Variants in TRDN observed in about 807,000 individuals in gnomAD.
TRDN encodes triadin.
A neutral mutation model predicts 149.7 loss-of-function variants in TRDN; 161 were observed. That is an observed-to-expected ratio of 1.08 (90% confidence interval 0.95 to 1.23). The LOEUF is 1.23. Among genes scored for constraint, TRDN ranks in the 50% most tolerant of loss-of-function variants. The probability of loss-of-function intolerance (pLI) is 0.00; values close to 1 mark genes in which losing one functional copy is unlikely to be tolerated. For synonymous variants in TRDN, 294 were observed against 250.5 expected (o/e 1.17, Z -1.64); for missense variants, 896 against 823.5 (o/e 1.09, Z -1.08).
At chr6:123,311,208 C>A (rs1037959392) in intron 24 of TRDN, among the ~76,000 whole-genome samples, 3 of 151,798 alleles carry the variant, frequency 2.0e-5, no homozygotes, top group Non-Finnish European at 4.4e-5. Context: ...TGGCAGCAGA[C>A]AAGAGGGAGC....
At chr6:123,302,325 T>C (rs2114672777) in intron 24 of TRDN, among the ~76,000 whole-genome samples, 1 of 152,250 alleles carries the variant, frequency 6.6e-6, no homozygotes, top group African/African-American at 2.4e-5. Context: ...CAGTTTACCC[T>C]TGATATACAT....
Position 123,245,646 on chromosome 6 carries a change from A to T in TRDN, c.1975+6766T>A, listed in dbSNP as rs570194864. On this transcript the variant is annotated intron_variant, in intron 38 of 40. Transcript: ENST00000334268. ...AGACACCCACACAATAATAGTGGGA[A>T]ACTTTAACATCCCACTTTCAATACT... is the stretch of plus-strand genomic sequence containing the variant. Among the ~76,000 whole-genome samples, 4 of 152,212 alleles carry T rather than the reference A, an allele frequency of 2.6e-5. No individual in the cohort carries two copies. In the East Asian group the frequency reaches 7.8e-4, roughly 30 times the overall value.
chr6:123,222,720 C>G (rs753940474), intron 39 of TRDN, among the ~76,000 whole-genome samples: 1 of 150,536 alleles, frequency 6.6e-6, no homozygotes, highest in Non-Finnish European at 1.5e-5. Flanking sequence ...AGAGAAAATA[C>G]TTTTTTTTTA....
chr6:123,575,138 C>T (rs1265362352), intron 1 of TRDN, among the ~76,000 whole-genome samples: 3 of 151,454 alleles, frequency 2.0e-5, no homozygotes, highest in South Asian at 2.1e-4. Flanking sequence ...CTCAAAATTT[C>T]CACTTAAGAA....
intron 1 of TRDN, among the ~76,000 whole-genome samples, chr6:123,606,445 A>C (rs1784532560): frequency 6.6e-6 from 1 of 152,068 alleles, no homozygotes; most frequent in African/African-American, 2.4e-5. Context: ...TGTGATGGAC[A>C]TATGAATATG....
chr6:123,601,184 A>G (rs994510610), intron 1 of TRDN, among the ~76,000 whole-genome samples: 10 of 152,156 alleles, frequency 6.6e-5, no homozygotes, highest in East Asian at 1.9e-4. Context: ...TTTAATAAAG[A>G]TATCAGTATT....
intron 7 of TRDN, among the ~76,000 whole-genome samples, chr6:123,510,599 A>G (rs1779125966): frequency 6.6e-6 from 1 of 152,052 alleles, no homozygotes; most frequent in South Asian, 2.1e-4. Flanking sequence ...TCAGTTCTCA[A>G]ACTTTTAAAG....
chr6:123,415,431 G>A (rs1773610104), intron 12 of TRDN, among the ~76,000 whole-genome samples: 1 of 152,176 alleles, frequency 6.6e-6, no homozygotes, highest in Admixed American at 6.5e-5. Flanking sequence ...TCCAGAGAAG[G>A]AAACTAAGGC....
intron 1 of TRDN, chr6:123,583,993 C>T (rs562470903): frequency 8.1e-4 from 141 of 174,936 alleles, no homozygotes; most frequent in African/African-American, 3.2e-3. Flanking sequence ...TGTACTATAG[C>T]ATAGCCTGCC....
At chr6:123,548,380 A>T (rs892933909) in intron 3 of TRDN, 74 bp downstream of exon 3, 38 of 1,234,576 alleles carry the variant, frequency 3.1e-5, no homozygotes, top group Non-Finnish European at 3.8e-5. Context: ...TTTGAATTTA[A>T]ACTGAGGCAA....
At chr6:123,426,690 A>T (rs1774133173) in intron 12 of TRDN, among the ~76,000 whole-genome samples, 1 of 152,114 alleles carries the variant, frequency 6.6e-6, no homozygotes, top group Admixed American at 6.6e-5. Flanking sequence ...GGTGTATTTT[A>T]GCATTAACTA....
At chr6:123,410,184 T>C (rs767465809) in intron 12 of TRDN, among the ~76,000 whole-genome samples, 130 of 152,306 alleles carry the variant, frequency 8.5e-4, no homozygotes, top group Non-Finnish European at 1.3e-3. Context: ...AAAGTACATA[T>C]TGTGAAGGAG....
intron 1 of TRDN, among the ~76,000 whole-genome samples, chr6:123,615,704 C>A (rs193243667): frequency 1.3e-5 from 2 of 152,072 alleles, no homozygotes; most frequent in East Asian, 3.9e-4. Context: ...AAAAGTTGAT[C>A]TCATAGACGT....
At chr6:123,414,414 G>C (rs1254239711) in intron 12 of TRDN, among the ~76,000 whole-genome samples, 1 of 152,074 alleles carries the variant, frequency 6.6e-6, no homozygotes, top group Non-Finnish European at 1.5e-5. Flanking sequence ...TTCATTGCTT[G>C]AGGGAGGCTG....
intron 1 of TRDN, among the ~76,000 whole-genome samples, chr6:123,596,756 C>T (rs776286695): frequency 1.2e-4 from 19 of 152,034 alleles, no homozygotes; most frequent in South Asian, 1.0e-3. Flanking sequence ...AGTGGAATGA[C>T]AAATCCTGCA....
chr6:123,564,024 C>T (rs1022255584), intron 2 of TRDN, among the ~76,000 whole-genome samples: 2 of 152,294 alleles, frequency 1.3e-5, no homozygotes, highest in Admixed American at 6.5e-5. Flanking sequence ...ACAATATAAT[C>T]TAAGAATTAA....
intron 27 of TRDN, 56 bp from the exon 28 acceptor site, chr6:123,273,419 C>A (rs903442203): frequency 2.5e-6 from 2 of 814,366 alleles, no homozygotes; most frequent in African/African-American, 1.9e-5. Flanking sequence ...GAGTATTTAA[C>A]AATAACAAAT....
rs117728153 is a variant in TRDN, at chr6:123,297,196, T to C, written c.1511-18114A>G. ...TGAGGCTGCACTACAATAATTTCTATGAAATATTTTTAGTTGTTATTCAAG... is the reference window on the plus strand; with the variant it reads ...TGAGGCTGCACTACAATAATTTCTACGAAATATTTTTAGTTGTTATTCAAG... On this transcript the variant is annotated intron_variant, in intron 24 of 40. Coordinates refer to ENST00000334268, the MANE Select transcript of TRDN (RefSeq NM_006073.4). Among the ~76,000 whole-genome samples, 251 of 152,164 alleles carry C rather than the reference T, an allele frequency of 1.6e-3. 1 individual carries two copies. The highest frequency in any genetic ancestry group is 2.6e-3 in the Non-Finnish European group (180 of 67,956).
At chr6:123,444,458 G>A (rs551483205) in intron 10 of TRDN, among the ~76,000 whole-genome samples, 52 of 149,896 alleles carry the variant, frequency 3.5e-4, no homozygotes, top group African/African-American at 9.7e-4. Flanking sequence ...CAATCATGTC[G>A]TCTGCAAAGA....
Sources: gnomAD v4.1 joint callset for allele counts (sites outside exome capture counted in the v4.1 genomes callset) on GRCh38, gnomAD v4.1.1 for gene constraint, MANE v1.5 for transcripts, NCBI Gene and HGNC (gene_info 2026-07-23, HGNC 2026-07-21) for gene names.